FRMD8: variants seen among roughly 807,000 people sequenced by gnomAD.
The protein encoded by FRMD8 is FERM domain-containing protein 8.
FRMD8 carries 37 observed loss-of-function variants against 54.2 expected under a neutral mutation model. The ratio of observed to expected loss-of-function variants is 0.68; its 90% CI spans 0.53 to 0.90. The LOEUF is 0.90. Among genes scored for constraint, FRMD8 ranks in the 40% least tolerant of loss-of-function variants. The pLI, the probability that FRMD8 is intolerant of heterozygous loss-of-function variation, is 0.00. For synonymous variants in FRMD8, 246 were observed against 286.9 expected, an observed-to-expected ratio of 0.86 and a Z score of 1.44; for missense variants, 585 against 653.7, an observed-to-expected ratio of 0.89 and a Z score of 1.15.
chr11:65,406,396 G>A (rs893977900), intron 10 of FRMD8, among the ~76,000 whole-genome samples: 5 of 151,792 alleles, frequency 3.3e-5, no homozygotes, highest in African/African-American at 1.2e-4. Flanking sequence ...GGGTTTCACC[G>A]TGTTAGCCAG....
Position 65,389,430 on chromosome 11 carries a change from T to C in FRMD8, c.155T>C (p.Leu52Pro), listed in dbSNP as rs1565596478. 2 of 1,610,452 alleles carry C rather than the reference T, an allele frequency of 1.2e-6. No homozygotes were observed. Among genetic ancestry groups the C allele is most frequent in the East Asian group, 2.2e-5 (1 of 44,874 alleles). ...VPLAVENLPS[L>P]SAHELHRAVR... The stretch of plus-strand genomic sequence containing the variant: ...CTGGCTGTGGAGAACCTGCCCTCGC[T>C]CAGTGCCCATGAGCTGCACCGCGCT... Residue 52 changes from leucine to proline, a missense_variant, in exon 3 of 11, where the codon CTC becomes CCC. Leu to Pro is a moderately conservative substitution (Grantham distance 98). Transcript: ENST00000317568.
the FRMD8 span, chr11:65,377,362 C>T: frequency 1.6e-6 from 2 of 1,284,682 alleles, no homozygotes; most frequent in Non-Finnish European, 2.0e-6. Context: ...CAGAACAAGC[C>T]TGGATTCTTT....
At chr11:65,386,498 C>G (rs757057003), upstream of FRMD8, 1 of 154,170 alleles carries the variant, frequency 6.5e-6, no homozygotes, top group Non-Finnish European at 1.4e-5. Flanking sequence ...GCGGCCACCC[C>G]ACGGGCGTGA....
chr11:65,386,054 C>T (rs1280080065), upstream of FRMD8, among the ~76,000 whole-genome samples: 1 of 152,180 alleles, frequency 6.6e-6, no homozygotes, highest in African/African-American at 2.4e-5. Flanking sequence ...CCTCGGCCTC[C>T]CAAAGTGCTG....
chr11:65,384,222 G>A (rs117062440), upstream of FRMD8, among the ~76,000 whole-genome samples: 151 of 152,094 alleles, frequency 9.9e-4, 2 homozygotes, highest in South Asian at 0.028. Context: ...TGTCTAACAC[G>A]CCTGCCCCAT....
chr11:65,379,330 G>T, the FRMD8 span: 3 of 1,593,904 alleles, frequency 1.9e-6, no homozygotes, highest in South Asian at 3.3e-5. Flanking sequence ...AGATCGAGAT[G>T]ACCATCCCTA....
At chr11:65,402,852 C>T (rs1856111475) in intron 9 of FRMD8, among the ~76,000 whole-genome samples, 1 of 151,662 alleles carries the variant, frequency 6.6e-6, no homozygotes, top group African/African-American at 2.4e-5. Flanking sequence ...GTAAATGGCA[C>T]TGTTTTTAAT....
At chr11:65,387,602 G>A (rs1055257594) in intron 2 of FRMD8, among the ~76,000 whole-genome samples, 1 of 151,942 alleles carries the variant, frequency 6.6e-6, no homozygotes, top group Admixed American at 6.5e-5. Flanking sequence ...GCAGTGGTGC[G>A]ATCTCAGCTC....
chr11:65,392,058 G>C (rs1855856753), intron 3 of FRMD8, among the ~76,000 whole-genome samples: 1 of 152,236 alleles, frequency 6.6e-6, no homozygotes, highest in African/African-American at 2.4e-5. Flanking sequence ...TTTCTGGAGG[G>C]AGTGGGGAGG....
intron 10 of FRMD8, among the ~76,000 whole-genome samples, chr11:65,409,720 C>G (rs1054551129): frequency 4.7e-5 from 7 of 149,924 alleles, no homozygotes; most frequent in African/African-American, 1.5e-4. Flanking sequence ...GAGTTAGGAT[C>G]ACAACACTGC....
rs576158286 is a variant in FRMD8 at position 65,412,880 on chromosome 11, C to T, written c.*1520C>T. 12 of 152,424 alleles carry T rather than the reference C, an allele frequency of 7.9e-5. No homozygotes were observed. The highest frequency in any genetic ancestry group is 2.9e-4 in the African/African-American group (12 of 41,598). 9.4% of individuals were successfully genotyped at this position (152,424 alleles called of 1,614,324 possible). On this transcript the variant is annotated 3_prime_UTR_variant, in exon 11 of 11. Transcript: ENST00000317568. ...CTGGTCACAGGGTCATGTCAGCTGC[C>T]AGTTCTCGTCTCCCGTCCTGGAGTT...
Position 65,400,867 on chromosome 11 carries a change from G to T in FRMD8, c.1071G>T (p.Gln357His). 6.2e-7 allele frequency: 1 copy of T among 1,600,198 alleles called. No homozygotes were observed. The highest frequency in any genetic ancestry group is 1.1e-5 in the South Asian group (1 of 88,688). Residue 357 changes from glutamine to histidine, a missense_variant and splice_region_variant, in exon 9 of 11, where the codon CAG becomes CAT. Physicochemically the swap from Gln to His is conservative, Grantham distance 24. Coordinates refer to ENST00000317568, the MANE Select transcript of FRMD8 (RefSeq NM_031904.5). This position sits in a 1 kb window ranked among gnomAD's most constrained non-coding sequence, Gnocchi z 4.3. ...VNKLLKIYSK[Q>H]AELMSSLIEY... is the part of the protein sequence containing the mutation. ...AGCTCCTCAAGATCTACTCCAAGCA[G>T]GTAGCGCGGGTGGTGCCTGCACACG... is the stretch of plus-strand genomic sequence containing the variant.
intron 10 of FRMD8, among the ~76,000 whole-genome samples, chr11:65,406,255 C>T (rs866351210): frequency 7.8e-4 from 117 of 149,796 alleles, no homozygotes; most frequent in African/African-American, 2.7e-3. Context: ...GTGCAGTGGG[C>T]GCGATCTTGG....
intron 7 of FRMD8, among the ~76,000 whole-genome samples, chr11:65,397,556 G>A (rs1296722253): frequency 1.3e-5 from 2 of 152,260 alleles, no homozygotes; most frequent in African/African-American, 4.8e-5. Flanking sequence ...AGGACGTTCT[G>A]AGGGCAGAGT....
chr11:65,396,631 C>A (rs924706919), intron 6 of FRMD8, among the ~76,000 whole-genome samples, 168 bp from the exon 7 acceptor site: 17 of 152,164 alleles, frequency 1.1e-4, no homozygotes, highest in Non-Finnish European at 2.2e-4. Flanking sequence ...GAGAACTGAA[C>A]CCCCTCTGTC....
In FRMD8 at chr11:65,411,434, G is replaced by A. The variant is rs1211943130; in HGVS notation, c.*74G>A. ...ACTGTCCTCCTGAGGGGCAGGCGCCGGCTGCAACAGTCTCATGGGTCACCA... is the reference window on the plus strand; with the variant it reads ...ACTGTCCTCCTGAGGGGCAGGCGCCAGCTGCAACAGTCTCATGGGTCACCA... On this transcript the variant is annotated 3_prime_UTR_variant, in exon 11 of 11. Coordinates refer to ENST00000317568, the MANE Select transcript of FRMD8 (RefSeq NM_031904.5). 2.7e-5 allele frequency: 26 copies of A among 959,762 alleles called. 1 individual carries two copies. Among genetic ancestry groups the A allele is most frequent in the South Asian group, 8.9e-5 (5 of 56,074 alleles). The allele number at this position is 959,762 out of a possible 1,614,324, so 59.5% of individuals were successfully genotyped here.
chr11:65,376,167 G>GT, the FRMD8 span: 1 of 563,192 alleles, frequency 1.8e-6, no homozygotes, highest in Non-Finnish European at 3.2e-6. Flanking sequence ...CATGCTCCCT[G>GT]TTTCACAGAT....
Position 65,400,896 on chromosome 11 carries a change from G to T in FRMD8, c.1071+29G>T. ...GCGCGGGTGGTGCCTGCACACGGGT[G>T]GGGAGGCTGGGCCCAGGTGCCCTGG... On this transcript the variant is annotated intron_variant, in intron 9 of 10. Coordinates refer to ENST00000317568, the MANE Select transcript of FRMD8 (RefSeq NM_031904.5). This position sits in a 1 kb window ranked among gnomAD's most constrained non-coding sequence, Gnocchi z 4.3. 1 of 1,563,376 alleles carries T rather than the reference G, an allele frequency of 6.4e-7. No homozygotes were observed. Among genetic ancestry groups the T allele is most frequent in the Non-Finnish European group, 8.7e-7 (1 of 1,153,656 alleles).
chr11:65,396,262 G>T (rs576930161), intron 6 of FRMD8, among the ~76,000 whole-genome samples: 226 of 152,348 alleles, frequency 1.5e-3, no homozygotes, highest in African/African-American at 5.1e-3. Context: ...GCCGGCTCAG[G>T]CAGGACTGGT....
Sources: allele counts gnomAD v4.1 joint callset (sites outside exome capture counted in the v4.1 genomes callset), GRCh38; gene constraint gnomAD v4.1.1; non-coding constraint Gnocchi (gnomAD v3.1); transcripts MANE v1.5; gene names NCBI Gene and HGNC (gene_info 2026-07-23, HGNC 2026-07-21).